The following RS1 variants were observed in gnomAD, a reference collection of about 807,000 sequenced individuals.
RS1 encodes retinoschisin 1, also known as retinoschisin.
In RS1, 2 loss-of-function variants were observed where a neutral mutation model predicts 20.8. The ratio of observed to expected loss-of-function variants is 0.10; its 90% CI spans 0.04 to 0.30. The LOEUF (loss-of-function observed/expected upper bound fraction) is 0.30, where lower values mean the gene tolerates loss of function less well. Among genes scored for constraint, RS1 ranks in the 10% least tolerant of loss-of-function variants. The pLI is 1.00. For synonymous variants in RS1, 70 were observed against 75.8 expected (o/e 0.92, Z 0.40); for missense variants, 151 against 189.8 (o/e 0.80, Z 1.20).
In RS1 at chrX:18,640,886, G is replaced by A. The variant is rs1927550124; in HGVS notation, c.*1118C>T. The A allele has an allele frequency of 1.8e-5, 2 of 112,862 alleles. No homozygotes were observed. The highest frequency in any genetic ancestry group is 3.8e-5 in the Non-Finnish European group (2 of 53,294). 9.3% of individuals were successfully genotyped at this position (112,862 alleles called of 1,213,427 possible). ...AGGCTGCGCTCTAAGTGGCCAATGA[G>A]GCCTCCCAATCTAAGGCGCCGCCTC... On this transcript the variant is annotated 3_prime_UTR_variant, in exon 6 of 6. Coordinates refer to ENST00000379984, the MANE Select transcript of RS1 (RefSeq NM_000330.4).
chrX:18,648,330 C>T (rs768681639), intron 3 of RS1, among the ~76,000 whole-genome samples: 77 of 110,963 alleles, frequency 6.9e-4, no homozygotes, highest in African/African-American at 2.5e-3. Flanking sequence ...CAACCTCTGC[C>T]TCCTGGGCTC....
Position 18,667,546 on chromosome X carries a change from C to CAA in RS1, c.52+4469_52+4470dup, listed in dbSNP as rs748540329. Among the ~76,000 whole-genome samples, 8 of 48,764 alleles carry CAA rather than the reference C, an allele frequency of 1.6e-4. 1 individual carries two copies. The highest frequency in any genetic ancestry group is 3.1e-4 in the African/African-American group (4 of 12,939). The allele number at this position is 48,764 out of a possible 115,157, so 42.3% of individuals were successfully genotyped here. ...TGAGCAACACAGCGAGACTCTGTCT[C>CAA]AAAAAAAAAAAAAAAAACAGTGCCA... On this transcript the variant is annotated intron_variant, in intron 1 of 5. Coordinates refer to ENST00000379984, the MANE Select transcript of RS1 (RefSeq NM_000330.4).
intron 3 of RS1, chrX:18,650,397 G>C: frequency 8.3e-7 from 1 of 1,210,840 alleles, no homozygotes; most frequent in Non-Finnish European, 1.1e-6. Flanking sequence ...ACTGCCCTCT[G>C]AATATTTTCC....
chrX:18,653,711 G>C, intron 3 of RS1: 1 of 691,668 alleles, frequency 1.4e-6, no homozygotes, highest in South Asian at 2.6e-5. Flanking sequence ...GCTCACGCCT[G>C]TAATCCCAGC....
In RS1 at chrX:18,648,126, C is replaced by T. The variant is rs906884824; in HGVS notation, c.185-794G>A. ...CTGAGGCAGGAGAATCGCTTGAACC[C>T]GGGAGGCAGAGGTTTCAGTGAGCCG... is the stretch of plus-strand genomic sequence containing the variant. On this transcript the variant is annotated intron_variant, in intron 3 of 5. Transcript: ENST00000379984. 8.1e-5 allele frequency among the ~76,000 whole-genome samples: 9 copies of T among 111,317 alleles called. 1 individual carries two copies. The East Asian group carries it at 1.7e-3, about 21-fold the overall frequency.
intron 3 of RS1, among the ~76,000 whole-genome samples, chrX:18,656,447 G>A (rs986803176): frequency 7.1e-5 from 8 of 112,081 alleles, no homozygotes; most frequent in African/African-American, 2.3e-4. Flanking sequence ...TGTGAGATTC[G>A]AAGCTCAGAG....
intron 5 of RS1, among the ~76,000 whole-genome samples, chrX:18,643,990 G>C (rs1927676042): frequency 9.0e-6 from 1 of 110,909 alleles, no homozygotes; most frequent in African/African-American, 3.3e-5. Flanking sequence ...TTGGCTAATG[G>C]GTAACTTGCT....
At chrX:18,646,591 C>T (rs957875682) in intron 4 of RS1, among the ~76,000 whole-genome samples, 12 of 112,210 alleles carry the variant, frequency 1.1e-4, no homozygotes, top group Admixed American at 7.5e-4. Context: ...CCCTACAGTA[C>T]GGACCACAGT....
At position 18,651,260 on chromosome X, in the gene RS1, TGTGTGAGAGAGAGA is replaced by T. The variant is rs1440846391; in HGVS notation, c.185-3942_185-3929del. On this transcript the variant is annotated intron_variant, in intron 3 of 5. Coordinates refer to ENST00000379984, the MANE Select transcript of RS1 (RefSeq NM_000330.4). ...GTGTGTGTGTGTGTGTGTGTGTGTG[TGTGTGAGAGAGAGA>T]GAGAGAGAGAGAGACAGAGAGACAC... 3.7e-5 allele frequency among the ~76,000 whole-genome samples: 3 copies of T among 81,608 alleles called. No homozygotes were observed. The Admixed American group carries it at 4.1e-4, about 11-fold the overall frequency. 70.9% of individuals were successfully genotyped at this position (81,608 alleles called of 115,157 possible). A position where few individuals can be genotyped will look rare whatever the true frequency, so the allele number is the denominator to read the frequency against.
chrX:18,648,880 C>T (rs1195597620), intron 3 of RS1, among the ~76,000 whole-genome samples: 1 of 109,618 alleles, frequency 9.1e-6, no homozygotes, highest in Non-Finnish European at 1.9e-5. Context: ...AGTTCAAGAC[C>T]AGCCTGGGGC....
intron 1 of RS1, among the ~76,000 whole-genome samples, chrX:18,668,192 C>T (rs1928434882): frequency 8.9e-6 from 1 of 112,136 alleles, no homozygotes; most frequent in South Asian, 3.7e-4. Context: ...GATTCCGCCA[C>T]ATGTTACATG....
At chrX:18,660,556 G>T (rs1351790135) in intron 1 of RS1, among the ~76,000 whole-genome samples, 1 of 111,244 alleles carries the variant, frequency 9.0e-6, no homozygotes, top group Non-Finnish European at 1.9e-5. Flanking sequence ...CTTTTCTGAT[G>T]ATAAAAAAAT....
At chrX:18,660,672 C>G (rs1359444432) in intron 1 of RS1, among the ~76,000 whole-genome samples, 10 of 112,611 alleles carry the variant, frequency 8.9e-5, no homozygotes, top group Non-Finnish European at 1.9e-4. Flanking sequence ...TTAGAAACCA[C>G]ACAAAGCCTT....
intron 3 of RS1, among the ~76,000 whole-genome samples, chrX:18,652,149 A>G (rs938050981): frequency 2.7e-5 from 3 of 110,277 alleles, no homozygotes; most frequent in Admixed American, 9.7e-5. Flanking sequence ...GGTGCTGGGC[A>G]CTCTCTAGGT....
Position 18,641,723 on chromosome X carries a change from C to A in RS1, c.*281G>T, listed in dbSNP as rs1390141773. 1 of 352,367 alleles carries A rather than the reference C, an allele frequency of 2.8e-6. No individual in the cohort carries two copies. The highest frequency in any genetic ancestry group is 5.0e-6 in the Non-Finnish European group (1 of 200,235). 29.0% of individuals were successfully genotyped at this position (352,367 alleles called of 1,213,427 possible). A position where few individuals can be genotyped will look rare whatever the true frequency, so the allele number is the denominator to read the frequency against. Reference sequence around the variant, plus strand: ...CAGTATCACTGAGACAAAAAATGAGCAGAAAATTACCCCTGCTACTTAGGC... The same window carrying A: ...CAGTATCACTGAGACAAAAAATGAGAAGAAAATTACCCCTGCTACTTAGGC... On this transcript the variant is annotated 3_prime_UTR_variant, in exon 6 of 6. Transcript: ENST00000379984.
At chrX:18,647,488 C>G in intron 3 of RS1, 156 bp from the exon 4 acceptor site, 1 of 520,027 alleles carries the variant, frequency 1.9e-6, no homozygotes. Flanking sequence ...GCTGTGTCTT[C>G]AACGGTTCAC....
At position 18,664,353 on chromosome X, in the gene RS1, C is replaced by T. The variant is rs550958075; in HGVS notation, c.53-6688G>A. Among the ~76,000 whole-genome samples, 17 of 112,438 alleles carry T rather than the reference C, an allele frequency of 1.5e-4. No individual in the cohort carries two copies. In the South Asian group the frequency reaches 4.8e-3, roughly 32 times the overall value. Reference sequence around the variant, plus strand: ...TAAAAAACGTACAAAAGGGGCCGGGCGCGGTGGCTCACGCCTGTAATCCCA... The same window carrying T: ...TAAAAAACGTACAAAAGGGGCCGGGTGCGGTGGCTCACGCCTGTAATCCCA... On this transcript the variant is annotated intron_variant, in intron 1 of 5. Coordinates refer to ENST00000379984, the MANE Select transcript of RS1 (RefSeq NM_000330.4).
At chrX:18,650,080 T>G in intron 3 of RS1, 1 of 320,105 alleles carries the variant, frequency 3.1e-6, no homozygotes. Flanking sequence ...TTCTTGGCAC[T>G]TTGCTCTTCT....
intron 1 of RS1, among the ~76,000 whole-genome samples, chrX:18,665,175 C>T (rs1461603174): frequency 4.5e-5 from 5 of 111,849 alleles, no homozygotes; most frequent in Non-Finnish European, 7.5e-5. Context: ...TTTGAGGCCC[C>T]ACCCTCTCTC....
Sources: allele counts gnomAD v4.1 joint callset (sites outside exome capture counted in the v4.1 genomes callset), GRCh38; gene constraint gnomAD v4.1.1; transcripts MANE v1.5; gene names NCBI Gene and HGNC (gene_info 2026-07-23, HGNC 2026-07-21).